Variants in AGBL1 observed in about 807,000 individuals in gnomAD.
AGBL1 encodes cytosolic carboxypeptidase 4.
AGBL1 carries 130 observed loss-of-function variants against 118.9 expected under a neutral mutation model. The observed-to-expected ratio is 1.09, with a 90% CI of 0.95 to 1.26. The LOEUF (loss-of-function observed/expected upper bound fraction) is 1.26, where lower values mean the gene tolerates loss of function less well. Ranked by LOEUF, AGBL1 falls within the 50% of genes most tolerant of loss-of-function variation. The pLI is 0.00. For synonymous variants in AGBL1, 555 were observed against 478.9 expected, an observed-to-expected ratio of 1.16 and a Z score of -2.08; for missense variants, 1,584 against 1,298.1, an observed-to-expected ratio of 1.22 and a Z score of -3.38.
intron 22 of AGBL1, among the ~76,000 whole-genome samples, chr15:86,781,041 A>G: frequency 6.6e-6 from 1 of 152,166 alleles, no homozygotes; most frequent in East Asian, 1.9e-4. Context: ...ATTTATTCCT[A>G]AGTATTTAAC....
intron 21 of AGBL1, among the ~76,000 whole-genome samples, chr15:86,647,504 C>T (rs2085301916): frequency 6.6e-6 from 1 of 152,112 alleles, no homozygotes; most frequent in African/African-American, 2.4e-5. Context: ...AGTTTGAAAC[C>T]AGCCTGCCCA....
intron 18 of AGBL1, among the ~76,000 whole-genome samples, chr15:86,399,902 G>C (rs1308607438): frequency 6.6e-6 from 1 of 152,098 alleles, no homozygotes; most frequent in Non-Finnish European, 1.5e-5. Flanking sequence ...TGGAGCTCAA[G>C]GCACTTTGTA....
Position 86,109,248 on chromosome 15 carries a change from A to G in AGBL1, c.51+29225A>G, listed in dbSNP as rs375982391. ...GGGCCTGAAGCTTATGCAACTTTGG[A>G]TCTCTCTTTAAGGAGAATAATACAA... On this transcript the variant is annotated intron_variant, in intron 1 of 22. Coordinates refer to ENST00000614907, the MANE Select transcript of AGBL1 (RefSeq NM_001386094.1). Among the ~76,000 whole-genome samples the G allele has an allele frequency of 3.7e-3, 562 of 152,276 alleles. 1 individual carries two copies. The highest frequency in any genetic ancestry group is 6.8e-3 in the Middle Eastern group (2 of 294).
intron 19 of AGBL1, among the ~76,000 whole-genome samples, chr15:86,526,544 G>GTGTGTATATA (rs754816154): frequency 0.03 from 3,594 of 119,174 alleles, 161 homozygotes; most frequent in East Asian, 0.15. Context: ...TTGTGTCTGT[G>GTGTGTATATA]TATATATATA....
chr15:86,105,779 C>T (rs1897019854), intron 1 of AGBL1, among the ~76,000 whole-genome samples: 1 of 152,170 alleles, frequency 6.6e-6, no homozygotes, highest in Non-Finnish European at 1.5e-5. Flanking sequence ...CTAGGCCAAC[C>T]CAATCACAGT....
At chr15:86,215,139 T>C (rs2078163689) in intron 5 of AGBL1, among the ~76,000 whole-genome samples, 1 of 152,100 alleles carries the variant, frequency 6.6e-6, no homozygotes. Flanking sequence ...CCTCTCTCCC[T>C]TGAAAATGGT....
rs1332295504 is a variant in AGBL1, at chr15:86,264,627, A to G, written c.1456A>G (p.Thr486Ala). Residue 486 changes from threonine to alanine, a missense_variant, in exon 11 of 23, where the codon ACT becomes GCT. Coordinates refer to ENST00000614907, the MANE Select transcript of AGBL1 (RefSeq NM_001386094.1). Reference protein sequence around the residue: ...PRMSASFSNSTRTREVVKVID... With the variant: ...PRMSASFSNSARTREVVKVID... ...GATGAGTGCCTCCTTTTCTAATTCC[A>G]CTAGGACTAGAGAAGTTGTCAAAGT... 3.1e-6 allele frequency: 5 copies of G among 1,613,812 alleles called. No homozygotes were observed. Among genetic ancestry groups the G allele is most frequent in the Non-Finnish European group, 4.2e-6 (5 of 1,179,814 alleles).
intron 22 of AGBL1, among the ~76,000 whole-genome samples, chr15:86,879,319 C>T (rs1026668483): frequency 3.3e-5 from 5 of 152,310 alleles, no homozygotes; most frequent in Admixed American, 6.5e-5. Context: ...AGCAGCTCCT[C>T]TGATGGTTAT....
intron 3 of AGBL1, among the ~76,000 whole-genome samples, chr15:86,147,927 A>G (rs991435244): frequency 1.2e-4 from 19 of 152,330 alleles, no homozygotes; most frequent in African/African-American, 4.3e-4. Context: ...TCAGGCAGCA[A>G]TATTTGCTGT....
intron 24 of AGBL1, among the ~76,000 whole-genome samples, chr15:86,996,053 C>T (rs370742504): frequency 6.6e-6 from 1 of 152,282 alleles, no homozygotes; most frequent in South Asian, 2.1e-4. Flanking sequence ...TTCCCATCAG[C>T]TTTGCATTTT....
At chr15:86,215,079 T>G (rs528855294) in intron 5 of AGBL1, among the ~76,000 whole-genome samples, 1 of 152,316 alleles carries the variant, frequency 6.6e-6, no homozygotes, top group South Asian at 2.1e-4. Context: ...TTATGCTTTT[T>G]CTTTCCTTTC....
At position 87,006,079 on chromosome 15, in the gene AGBL1, C is replaced by T. The variant is rs116421292; in HGVS notation, c.3323+17991C>T. Among the ~76,000 whole-genome samples, 1,415 of 152,270 alleles carry T rather than the reference C, an allele frequency of 9.3e-3. 22 individuals carry two copies. The highest frequency in any genetic ancestry group is 0.033 in the African/African-American group (1,357 of 41,542). On this transcript the variant is annotated intron_variant, in intron 24 of 24. Transcript: ENST00000441037. The stretch of plus-strand genomic sequence containing the variant: ...GGTTTTGTCTCAGAAGAGTACCCAG[C>T]CGTTTGAGGTATCAGTCTGCCCCTA...
intron 22 of AGBL1, among the ~76,000 whole-genome samples, chr15:86,900,768 T>G (rs1287694131): frequency 2.0e-5 from 3 of 152,158 alleles, no homozygotes; most frequent in African/African-American, 7.2e-5. Context: ...GTTGAATATC[T>G]GGGTGAAAGA....
chr15:86,270,791 G>T (rs185906632), intron 14 of AGBL1, among the ~76,000 whole-genome samples: 1 of 152,184 alleles, frequency 6.6e-6, no homozygotes, highest in African/African-American at 2.4e-5. Context: ...CAAACTTGGT[G>T]GTTGAAAACA....
chr15:86,898,757 C>T (rs985062720), intron 22 of AGBL1, among the ~76,000 whole-genome samples: 2 of 151,572 alleles, frequency 1.3e-5, no homozygotes, highest in Non-Finnish European at 2.9e-5. Flanking sequence ...CAAAAGAAGA[C>T]AAATAGGTGG....
At chr15:86,523,821 T>G (rs2142203159) in intron 19 of AGBL1, among the ~76,000 whole-genome samples, 1 of 152,332 alleles carries the variant, frequency 6.6e-6, no homozygotes, top group African/African-American at 2.4e-5. Flanking sequence ...ACCAGAGGAC[T>G]TGGCTCAAGA....
At chr15:86,227,007 A>T (rs28425755) in intron 6 of AGBL1, among the ~76,000 whole-genome samples, 3 of 152,080 alleles carry the variant, frequency 2.0e-5, no homozygotes, top group Non-Finnish European at 2.9e-5. Context: ...TGTTGACTAA[A>T]TTTTTTTTGT....
intron 22 of AGBL1, among the ~76,000 whole-genome samples, chr15:86,867,617 G>A (rs780319533): frequency 1.1e-4 from 16 of 152,074 alleles, no homozygotes; most frequent in East Asian, 5.8e-4. Flanking sequence ...CCTGTGAGGC[G>A]GGGAGAACAA....
intron 22 of AGBL1, among the ~76,000 whole-genome samples, chr15:86,832,057 A>C (rs947149556): frequency 4.6e-5 from 7 of 152,200 alleles, no homozygotes; most frequent in Non-Finnish European, 7.3e-5. Flanking sequence ...CAACGGCCTG[A>C]GCTCTATGTC....
Sources: allele counts gnomAD v4.1 joint callset (sites outside exome capture counted in the v4.1 genomes callset), GRCh38; gene constraint gnomAD v4.1.1; transcripts MANE v1.5; gene names NCBI Gene and HGNC (gene_info 2026-07-23, HGNC 2026-07-21).